CCDC102B: variants seen among roughly 807,000 people sequenced by gnomAD.
CCDC102B encodes coiled-coil domain-containing protein 102B.
CCDC102B carries 75 observed loss-of-function variants against 57.4 expected under a neutral mutation model. The observed-to-expected ratio is 1.31, with a 90% CI of 1.08 to 1.58. CCDC102B has a LOEUF of 1.58. CCDC102B is among the 40% of genes most tolerant of loss of function. The probability of loss-of-function intolerance (pLI) is 0.00; values close to 1 mark genes in which losing one functional copy is unlikely to be tolerated. For synonymous variants in CCDC102B, 206 were observed against 201.9 expected (o/e 1.02, Z -0.17); for missense variants, 636 against 582.6 (o/e 1.09, Z -0.94).
chr18:68,830,643 TTCC>T, intron 1 of CCDC102B, among the ~76,000 whole-genome samples: 1 of 144,796 alleles, frequency 6.9e-6, no homozygotes, highest in African/African-American at 2.8e-5. Context: ...ATTATGTTTA[TTCC>T]ATATATATTC....
chr18:69,051,361 A>G (rs2052701454), intron 7 of CCDC102B, among the ~76,000 whole-genome samples: 2 of 152,122 alleles, frequency 1.3e-5, no homozygotes, highest in African/African-American at 4.8e-5. Flanking sequence ...GGAGAAAATT[A>G]TAATATTTAG....
intron 2 of CCDC102B, among the ~76,000 whole-genome samples, chr18:68,792,523 T>C (rs888850907): frequency 1.8e-4 from 27 of 152,364 alleles, no homozygotes; most frequent in African/African-American, 6.0e-4. Context: ...TCAACATAAC[T>C]ACTCTTAAAA....
chr18:68,840,126 T>C (rs2037564245), intron 3 of CCDC102B, among the ~76,000 whole-genome samples: 1 of 152,194 alleles, frequency 6.6e-6, no homozygotes, highest in Non-Finnish European at 1.5e-5. Context: ...TAGCACAATG[T>C]GGAATATCTA....
chr18:68,992,115 T>C (rs1031647956), intron 6 of CCDC102B, among the ~76,000 whole-genome samples: 2 of 152,166 alleles, frequency 1.3e-5, no homozygotes, highest in Non-Finnish European at 2.9e-5. Context: ...CATTTGGTTC[T>C]CTGATTCAAA....
chr18:68,738,821 C>G (rs889945198), intron 2 of CCDC102B, among the ~76,000 whole-genome samples: 2 of 152,164 alleles, frequency 1.3e-5, no homozygotes, highest in Non-Finnish European at 2.9e-5. Flanking sequence ...CTGCATGCCT[C>G]TCCCCAGACC....
intron 2 of CCDC102B, among the ~76,000 whole-genome samples, chr18:68,772,728 A>T (rs1013009679): frequency 8.5e-5 from 13 of 152,180 alleles, no homozygotes; most frequent in African/African-American, 3.1e-4. Flanking sequence ...ATCTAGCCCA[A>T]GGAAAGAAGG....
At chr18:68,934,970 G>C (rs577844918) in intron 6 of CCDC102B, among the ~76,000 whole-genome samples, 1 of 151,938 alleles carries the variant, frequency 6.6e-6, no homozygotes, top group Admixed American at 6.6e-5. Flanking sequence ...TGATATTTGG[G>C]TAGGTGGCGG....
At chr18:68,737,415 C>A (rs184366056) in intron 2 of CCDC102B, among the ~76,000 whole-genome samples, 1 of 149,876 alleles carries the variant, frequency 6.7e-6, no homozygotes, top group Admixed American at 6.7e-5. Context: ...TCTCCACCAG[C>A]GTTATAGATT....
intron 4 of CCDC102B, among the ~76,000 whole-genome samples, chr18:68,857,276 TAATATATATTTATATA>T (rs2038490276): frequency 3.6e-5 from 1 of 27,894 alleles, no homozygotes; most frequent in South Asian, 1.3e-3. Context: ...AATATATATA[TAATATATATTTATATA>T]TTATATATAT....
chr18:69,031,009 T>C (rs1305175872), intron 7 of CCDC102B, among the ~76,000 whole-genome samples: 2 of 152,176 alleles, frequency 1.3e-5, no homozygotes, highest in Non-Finnish European at 2.9e-5. Context: ...GAAATTAAGG[T>C]TTTGTTTCTT....
chr18:68,897,687 G>C, intron 6 of CCDC102B: 1 of 1,320,882 alleles, frequency 7.6e-7, no homozygotes, highest in Admixed American at 2.2e-5. Context: ...AATGAAGTAA[G>C]AAATAGAACT....
intron 6 of CCDC102B, among the ~76,000 whole-genome samples, chr18:68,990,291 A>G (rs2050830690): frequency 6.6e-6 from 1 of 152,196 alleles, no homozygotes; most frequent in Admixed American, 6.5e-5. Context: ...GAGCCAAATA[A>G]CAGGCCTTTC....
intron 2 of CCDC102B, among the ~76,000 whole-genome samples, chr18:68,756,036 T>G (rs2034036263): frequency 6.6e-6 from 1 of 151,518 alleles, no homozygotes. Flanking sequence ...AGCCGAAGAT[T>G]TAAATAGAGA....
intron 7 of CCDC102B, among the ~76,000 whole-genome samples, chr18:69,014,027 T>C (rs1010981012): frequency 6.6e-6 from 1 of 152,126 alleles, no homozygotes; most frequent in African/African-American, 2.4e-5. Flanking sequence ...GAGAATATGA[T>C]TGTGACTCTA....
chr18:68,850,618 T>TCC (rs2144833204), intron 4 of CCDC102B, among the ~76,000 whole-genome samples: 1 of 152,210 alleles, frequency 6.6e-6, no homozygotes, highest in Non-Finnish European at 1.5e-5. Context: ...CAGGGATGGA[T>TCC]GTTTTGAGTG....
intron 6 of CCDC102B, among the ~76,000 whole-genome samples, chr18:68,941,098 A>G (rs1488581758): frequency 1.3e-5 from 2 of 150,176 alleles, no homozygotes; most frequent in South Asian, 2.1e-4. Flanking sequence ...TTTTTTTTGC[A>G]TAAAACTAAA....
intron 5 of CCDC102B, among the ~76,000 whole-genome samples, chr18:68,888,069 TAC>T (rs149701752): frequency 0.025 from 3,735 of 152,266 alleles, 101 homozygotes; most frequent in African/African-American, 0.067. Flanking sequence ...ATAGTATACT[TAC>T]AACAGACAGT....
intron 6 of CCDC102B, among the ~76,000 whole-genome samples, chr18:69,010,363 T>C (rs1429088137): frequency 6.6e-6 from 1 of 152,096 alleles, no homozygotes; most frequent in East Asian, 1.9e-4. Context: ...ATATAGTGTA[T>C]GGTGTTAATT....
intron 2 of CCDC102B, among the ~76,000 whole-genome samples, chr18:68,756,394 G>C (rs2034051673): frequency 6.6e-6 from 1 of 152,074 alleles, no homozygotes; most frequent in South Asian, 2.1e-4. Flanking sequence ...CAATATAACA[G>C]ATAAGGAAGA....
Sources: allele counts gnomAD v4.1 joint callset (sites outside exome capture counted in the v4.1 genomes callset), GRCh38; gene constraint gnomAD v4.1.1; transcripts MANE v1.5; gene names NCBI Gene and HGNC (gene_info 2026-07-23, HGNC 2026-07-21).